TNR: variants seen among roughly 807,000 people sequenced by gnomAD.
The protein encoded by TNR is tenascin R, also known as tenascin-R.
TNR carries 45 observed loss-of-function variants against 150.4 expected under a neutral mutation model. The ratio of observed to expected loss-of-function variants is 0.30; its 90% CI spans 0.24 to 0.38. The LOEUF (loss-of-function observed/expected upper bound fraction) is 0.38, where lower values mean the gene tolerates loss of function less well. Ranked by LOEUF, TNR falls within the 10% of genes least tolerant of loss-of-function variation. The pLI, the probability that TNR is intolerant of heterozygous loss-of-function variation, is 1.00. For synonymous variants in TNR, 687 were observed against 678.4 expected (o/e 1.01, Z -0.20); for missense variants, 1,544 against 1,759.1 (o/e 0.88, Z 2.19).
In TNR at chr1:175,670,849, G is replaced by A. The variant is rs115827535; in HGVS notation, c.-165+72377C>T. 1.4e-3 allele frequency among the ~76,000 whole-genome samples: 210 copies of A among 152,314 alleles called. 2 individuals are homozygous for A. Among genetic ancestry groups the A allele is most frequent in the African/African-American group, 4.7e-3 (197 of 41,572 alleles). ...TATACCCTGGACTAAAGATATTAAT[G>A]TTGTTCTGAAATCCATGGGGAGCCA... On this transcript the variant is annotated intron_variant, in intron 1 of 22. Coordinates refer to ENST00000367674, the MANE Select transcript of TNR (RefSeq NM_003285.3).
intron 1 of TNR, among the ~76,000 whole-genome samples, chr1:175,544,261 G>A (rs1230985367): frequency 2.0e-5 from 3 of 152,210 alleles, no homozygotes; most frequent in Admixed American, 6.5e-5. Context: ...AGGCCAGTTA[G>A]AGAATAACTG....
intron 1 of TNR, among the ~76,000 whole-genome samples, chr1:175,685,082 A>G (rs149532322): frequency 1.3e-5 from 2 of 152,034 alleles, no homozygotes; most frequent in South Asian, 2.1e-4. Flanking sequence ...TCCACTCTTC[A>G]ATACTTTCCA....
At chr1:175,527,165 G>T (rs1019796941) in intron 2 of TNR, among the ~76,000 whole-genome samples, 1 of 152,206 alleles carries the variant, frequency 6.6e-6, no homozygotes, top group Admixed American at 6.5e-5. Context: ...CTTGGTTGCA[G>T]AGAACTTGAT....
intron 2 of TNR, among the ~76,000 whole-genome samples, chr1:175,431,936 C>CTCTCTCCTTCTCTCT (rs367657172): frequency 1.9e-5 from 1 of 52,358 alleles, no homozygotes. Context: ...TCTCTCTCTC[C>CTCTCTCCTTCTCTCT]CTCTGTCTCT....
intron 1 of TNR, among the ~76,000 whole-genome samples, chr1:175,659,305 T>C (rs998226811): frequency 5.9e-5 from 9 of 152,182 alleles, no homozygotes; most frequent in African/African-American, 2.2e-4. Flanking sequence ...CTGAAATAGA[T>C]TCTCTTCAAC....
Position 175,320,332 on chromosome 1 carries a change from T to G in TNR, c.*3025A>C, listed in dbSNP as rs1457281438. On this transcript the variant is annotated 3_prime_UTR_variant, in exon 23 of 23. Transcript: ENST00000367674. ...GGATGAGAGTGGGGCACAGTGTCTT[T>G]TAAACATGGTGAAAACTCATGAGAA... The G allele has an allele frequency of 6.6e-6, 1 of 152,242 alleles. No individual in the cohort carries two copies. The highest frequency in any genetic ancestry group is 1.5e-5 in the Non-Finnish European group (1 of 68,036). 9.4% of individuals were successfully genotyped at this position (152,242 alleles called of 1,614,324 possible). A position where few individuals can be genotyped will look rare whatever the true frequency, so the allele number is the denominator to read the frequency against.
At chr1:175,664,999 G>A (rs892434484) in intron 1 of TNR, among the ~76,000 whole-genome samples, 3 of 152,248 alleles carry the variant, frequency 2.0e-5, no homozygotes, top group Admixed American at 2.0e-4. Context: ...AGAATCTGAA[G>A]AGGGTGAATC....
At chr1:175,521,476 G>T (rs532298672) in intron 2 of TNR, among the ~76,000 whole-genome samples, 5 of 152,192 alleles carry the variant, frequency 3.3e-5, no homozygotes, top group African/African-American at 1.2e-4. Flanking sequence ...CCAATTCTGC[G>T]TAGATCACTG....
At chr1:175,524,634 G>A (rs1303438969) in intron 2 of TNR, among the ~76,000 whole-genome samples, 1 of 152,118 alleles carries the variant, frequency 6.6e-6, no homozygotes, top group African/African-American at 2.4e-5. Context: ...AAGCAAGTTG[G>A]GCAGGATGAT....
rs113103250 is a variant in TNR, at chr1:175,475,345, G to A, written c.-64+52924C>T. Among the ~76,000 whole-genome samples, 218 of 152,310 alleles carry A rather than the reference G, an allele frequency of 1.4e-3. 1 individual carries two copies. The highest frequency in any genetic ancestry group is 5.0e-3 in the African/African-American group (207 of 41,560). On this transcript the variant is annotated intron_variant, in intron 2 of 22. Transcript: ENST00000367674. The stretch of plus-strand genomic sequence containing the variant: ...ATGATCTCTATCATCAAAGGGCTTG[G>A]GGAGGAAGCATGGCAGTGTTGGTGA...
intron 1 of TNR, among the ~76,000 whole-genome samples, chr1:175,635,188 A>G (rs1664457094): frequency 6.6e-6 from 1 of 152,256 alleles, no homozygotes; most frequent in Non-Finnish European, 1.5e-5. Flanking sequence ...GGTCTGACTT[A>G]GAGGCCAGCT....
At chr1:175,355,682 C>T in intron 16 of TNR, 49 bp from the exon 17 acceptor site, 1 of 1,607,820 alleles carries the variant, frequency 6.2e-7, no homozygotes, top group African/African-American at 1.3e-5. Context: ...CCAGCTCCTC[C>T]CCCTGCTTGA....
At position 175,524,013 on chromosome 1, in the gene TNR, G is replaced by A. The variant is rs138182775; in HGVS notation, c.-64+4256C>T. On this transcript the variant is annotated intron_variant, in intron 2 of 22. Transcript: ENST00000367674. ...GGCCTCCCTCTTCTCTCTTTTTCTC[G>A]TTTCTCTTCTTGGGTCCCCCATTTG... 7.7e-3 allele frequency among the ~76,000 whole-genome samples: 1,176 copies of A among 151,952 alleles called. 18 individuals are homozygous for A. Among genetic ancestry groups the A allele is most frequent in the African/African-American group, 0.025 (1,025 of 41,436 alleles).
At chr1:175,655,156 A>G (rs1571719369) in intron 1 of TNR, among the ~76,000 whole-genome samples, 1 of 152,012 alleles carries the variant, frequency 6.6e-6, no homozygotes, top group East Asian at 1.9e-4. Context: ...CAGGGTGGGG[A>G]TGGTGGCTTG....
At chr1:175,442,097 T>G (rs1443373243) in intron 2 of TNR, among the ~76,000 whole-genome samples, 3 of 152,192 alleles carry the variant, frequency 2.0e-5, no homozygotes, top group Non-Finnish European at 4.4e-5. Flanking sequence ...CCTGTTTATC[T>G]TCTCCCTAGC....
At position 175,708,533 on chromosome 1, in the gene TNR, C is replaced by T. The variant is rs574398375; in HGVS notation, c.-165+34693G>A. On this transcript the variant is annotated intron_variant, in intron 1 of 22. Coordinates refer to ENST00000367674, the MANE Select transcript of TNR (RefSeq NM_003285.3). ...CACTTTTGGGTTTATAGTTTTGTAACGGGAAGGAAGCATCCACCATGTGCC... is the reference window on the plus strand; with the variant it reads ...CACTTTTGGGTTTATAGTTTTGTAATGGGAAGGAAGCATCCACCATGTGCC... Among the ~76,000 whole-genome samples, 6 of 152,244 alleles carry T rather than the reference C, an allele frequency of 3.9e-5. 1 individual carries two copies. Among genetic ancestry groups the T allele is most frequent in the Middle Eastern group, 6.8e-3 (2 of 294 alleles).
intron 1 of TNR, among the ~76,000 whole-genome samples, chr1:175,639,483 T>C (rs986708165): frequency 1.3e-5 from 2 of 152,208 alleles, no homozygotes; most frequent in African/African-American, 4.8e-5. Context: ...TGCAGTGTTC[T>C]TCCTTTCTAA....
intron 2 of TNR, among the ~76,000 whole-genome samples, chr1:175,418,828 G>C (rs943701084): frequency 6.6e-6 from 1 of 152,124 alleles, no homozygotes; most frequent in Non-Finnish European, 1.5e-5. Flanking sequence ...TTGTATTCAG[G>C]GATGAAGTGT....
At chr1:175,723,039 C>G (rs1307077597) in intron 1 of TNR, among the ~76,000 whole-genome samples, 1 of 152,102 alleles carries the variant, frequency 6.6e-6, no homozygotes, top group Admixed American at 6.6e-5. Flanking sequence ...ATCTGCCCAC[C>G]TCGGCCTCCC....
Sources: gnomAD v4.1 joint callset for allele counts (sites outside exome capture counted in the v4.1 genomes callset) on GRCh38, gnomAD v4.1.1 for gene constraint, MANE v1.5 for transcripts, NCBI Gene and HGNC (gene_info 2026-07-23, HGNC 2026-07-21) for gene names.